Variants in TTBK1 observed in about 807,000 individuals in gnomAD.
The protein encoded by TTBK1 is tau-tubulin kinase 1.
TTBK1 carries 34 observed loss-of-function variants against 108.5 expected under a neutral mutation model. That is an observed-to-expected ratio of 0.31 (90% CI 0.24 to 0.42). The LOEUF (loss-of-function observed/expected upper bound fraction) is 0.42, where lower values mean the gene tolerates loss of function less well. TTBK1 is among the 10% of genes least tolerant of loss of function. The probability of loss-of-function intolerance (pLI) is 1.00; values close to 1 mark genes in which losing one functional copy is unlikely to be tolerated. For missense variants in TTBK1, 1,539 were observed against 1,826.0 expected, an observed-to-expected ratio of 0.84 and a Z score of 2.86; for synonymous variants, 809 against 795.1, an observed-to-expected ratio of 1.02 and a Z score of -0.29.
rs1165401256 is a variant in TTBK1, at chr6:43,257,302, A to G, written c.862-510A>G. ...AGGCTGGGGCCCTGTGCTGGCTGCT[A>G]GGGATGCAGAGTTGACAGATAGGCA... On this transcript the variant is annotated intron_variant, in intron 9 of 14. Coordinates refer to ENST00000259750, the MANE Select transcript of TTBK1 (RefSeq NM_032538.3). The surrounding 1 kb of genome is among the most constrained non-coding windows in gnomAD (Gnocchi z 4.5). Among the ~76,000 whole-genome samples, 1 of 152,220 alleles carries G rather than the reference A, an allele frequency of 6.6e-6. No individual in the cohort carries two copies. Among genetic ancestry groups the G allele is most frequent in the Non-Finnish European group, 1.5e-5 (1 of 68,034 alleles).
chr6:43,270,968 G>A (rs1777819670), intron 13 of TTBK1: 1 of 985,370 alleles, frequency 1.0e-6, no homozygotes, highest in Admixed American at 6.1e-5. Context: ...CACAGCAGAA[G>A]AGAGGCAGGT....
In TTBK1 at chr6:43,285,361, G is replaced by A. The variant is rs925466806; in HGVS notation, c.3951G>A (p.Arg1317=). ...TKGRAGGAEG[R]AGAR is the part of the protein sequence containing the mutation. ...GCCGGGCAGGAGGCGCGGAGGGCCGGGCTGGGGCCAGATAATGACGCCCGC... is the reference window on the plus strand; with the variant it reads ...GCCGGGCAGGAGGCGCGGAGGGCCGAGCTGGGGCCAGATAATGACGCCCGC... Residue 1317 remains arginine, a synonymous_variant, in exon 15 of 15, where the codon CGG becomes CGA. Transcript: ENST00000259750. The surrounding 1 kb of genome is among the most constrained non-coding windows in gnomAD (Gnocchi z 4.7). 3.1e-6 allele frequency: 4 copies of A among 1,281,034 alleles called. No individual in the cohort carries two copies. The African/African-American group carries it at 6.2e-5, about 20-fold the overall frequency. 79.4% of individuals were successfully genotyped at this position (1,281,034 alleles called of 1,614,324 possible).
At chr6:43,264,031 T>A (rs1159181069) in intron 13 of TTBK1, among the ~76,000 whole-genome samples, 2 of 151,972 alleles carry the variant, frequency 1.3e-5, no homozygotes, top group South Asian at 2.1e-4. Flanking sequence ...GGCCAGGGCG[T>A]CTCGTGTCTC....
chr6:43,259,583 C>A lies in TTBK1; in HGVS notation c.1301C>A (p.Pro434Gln), dbSNP rs147618529. The A allele has an allele frequency of 1.2e-6, 2 of 1,609,964 alleles. No homozygotes were observed. Among genetic ancestry groups the A allele is most frequent in the African/African-American group, 2.7e-5 (2 of 74,988 alleles). Reference protein sequence around the residue: ...QSRGMGVPSSPVRAPPDSPTT... With the variant: ...QSRGMGVPSSQVRAPPDSPTT... ...CGAGGCATGGGGGTCCCCAGCTCCC[C>A]AGTGCGTGCCCCCCCAGACTCCCCC... The change falls in exon 12 of 15, where the codon CCA (proline) becomes CAA (glutamine). Residue 434 changes from proline (P) to glutamine (Q), a missense_variant. Transcript: ENST00000259750. The surrounding 1 kb of genome is among the most constrained non-coding windows in gnomAD (Gnocchi z 6.7).
chr6:43,280,865 T>G (rs575366503), intron 13 of TTBK1, among the ~76,000 whole-genome samples: 1 of 147,726 alleles, frequency 6.8e-6, no homozygotes, highest in African/African-American at 2.4e-5. Context: ...AGTTATCATG[T>G]GCAGAGAGGA....
At position 43,259,086 on chromosome 6, in the gene TTBK1, C is replaced by T. The variant is rs145660116; in HGVS notation, c.1065C>T (p.Thr355=). ...CTGGGGACCTGCTCCGGGAGAACAC[C>T]GAGGATGTGCTACAGGGAGAGCACC... ...PVPGDLLREN[T]EDVLQGEHLS... is the part of the protein sequence containing the mutation. The change falls in exon 11 of 15, where the codon ACC becomes ACT. Residue 355 remains threonine (T), a synonymous_variant. Coordinates refer to ENST00000259750, the MANE Select transcript of TTBK1 (RefSeq NM_032538.3). This position sits in a 1 kb window ranked among gnomAD's most constrained non-coding sequence, Gnocchi z 6.7. The T allele has an allele frequency of 1.5e-5, 25 of 1,613,870 alleles. No individual in the cohort carries two copies. The highest frequency in any genetic ancestry group is 1.7e-5 in the Admixed American group (1 of 59,978).
Position 43,264,794 on chromosome 6 carries a change from G to A in TTBK1, c.1986+1444G>A, listed in dbSNP as rs115393293. Among the ~76,000 whole-genome samples, 1,413 of 152,250 alleles carry A rather than the reference G, an allele frequency of 9.3e-3. 8 individuals carry two copies. Among genetic ancestry groups the A allele is most frequent in the Non-Finnish European group, 0.014 (971 of 68,000 alleles). On this transcript the variant is annotated intron_variant, in intron 13 of 14. Transcript: ENST00000259750. Reference sequence around the variant, plus strand: ...AGCTCTGAGAGCCAGGTGGATGGCCGTGGGGAGGAGTGGAGCCAAGGCGAG... The same window carrying A: ...AGCTCTGAGAGCCAGGTGGATGGCCATGGGGAGGAGTGGAGCCAAGGCGAG...
intron 10 of TTBK1, 152 bp downstream of exon 10, chr6:43,258,118 C>G: frequency 1.1e-6 from 1 of 876,004 alleles, no homozygotes; most frequent in Non-Finnish European, 1.7e-6. Context: ...AACTCTGCCA[C>G]ATCTCCACCC....
At chr6:43,247,724 T>A (rs1777132112) in intron 2 of TTBK1, among the ~76,000 whole-genome samples, 1 of 151,362 alleles carries the variant, frequency 6.6e-6, no homozygotes, top group Non-Finnish European at 1.5e-5. Flanking sequence ...GAGTGCGGGG[T>A]TGGAGAGGAG....
rs1014974636 is a variant in TTBK1, at chr6:43,285,367, G to A, written c.3957G>A (p.Gly1319=). The A allele has an allele frequency of 9.4e-6, 12 of 1,278,796 alleles. No homozygotes were observed. Among genetic ancestry groups the A allele is most frequent in the Non-Finnish European group, 1.1e-5 (11 of 1,017,690 alleles). 79.2% of individuals were successfully genotyped at this position (1,278,796 alleles called of 1,614,324 possible). ...GRAGGAEGRA[G]AR ...CAGGAGGCGCGGAGGGCCGGGCTGG[G>A]GCCAGATAATGACGCCCGCTGCTCT... The change falls in exon 15 of 15, where the codon GGG becomes GGA. Residue 1319 remains glycine (G), a synonymous_variant. Transcript: ENST00000259750. This position sits in a 1 kb window ranked among gnomAD's most constrained non-coding sequence, Gnocchi z 4.7.
rs1287524080 is a variant in TTBK1 at position 43,283,392 on chromosome 6, A to C, written c.2652A>C (p.Pro884=). The stretch of plus-strand genomic sequence containing the variant: ...GCAGCCAGCTGGACGTATCTGAGCC[A>C]GGCACCCTGTCCTCTGTCCTCAAGT... ...PTGSQLDVSE[P]GTLSSVLKSE... The change falls in exon 14 of 15, where the codon CCA becomes CCC. Residue 884 remains proline, a synonymous_variant. Transcript: ENST00000259750. The surrounding 1 kb of genome is among the most constrained non-coding windows in gnomAD (Gnocchi z 8.1). 1 of 1,610,192 alleles carries C rather than the reference A, an allele frequency of 6.2e-7. No individual in the cohort carries two copies. The highest frequency in any genetic ancestry group is 1.1e-5 in the South Asian group (1 of 90,534).
At position 43,253,506 on chromosome 6, in the gene TTBK1, A is replaced by C; in HGVS notation, c.331-62A>C. Reference sequence around the variant, plus strand: ...GGGGTGAGGCTGGGAAGAGTATCACAATGATGGTGTCTGGGATGATGGCTG... The same window carrying C: ...GGGGTGAGGCTGGGAAGAGTATCACCATGATGGTGTCTGGGATGATGGCTG... On this transcript the variant is annotated intron_variant, in intron 4 of 14. Coordinates refer to ENST00000259750, the MANE Select transcript of TTBK1 (RefSeq NM_032538.3). This position sits in a 1 kb window ranked among gnomAD's most constrained non-coding sequence, Gnocchi z 5.8. 6.3e-7 allele frequency: 1 copy of C among 1,587,770 alleles called. No homozygotes were observed. The highest frequency in any genetic ancestry group is 8.6e-7 in the Non-Finnish European group (1 of 1,166,786).
Position 43,269,543 on chromosome 6 carries a change from C to CCACT in TTBK1, c.1986+6193_1986+6194insCACT. On this transcript the variant is annotated intron_variant, in intron 13 of 14. Transcript: ENST00000259750. The surrounding 1 kb of genome is among the most constrained non-coding windows in gnomAD (Gnocchi z 4.8). ...GACCCCGCCCACTTGCCCGGGACGCCGGCGCCGCAGGGGCTGTGAGCGGTG... is the reference window on the plus strand; with the variant it reads ...GACCCCGCCCACTTGCCCGGGACGCCCACTGGCGCCGCAGGGGCTGTGAGCGGTG... 1 of 1,345,742 alleles carries CCACT rather than the reference C, an allele frequency of 7.4e-7. No homozygotes were observed. The highest frequency in any genetic ancestry group is 2.3e-4 in the Middle Eastern group (1 of 4,394). The allele number at this position is 1,345,742 out of a possible 1,614,324, so 83.4% of individuals were successfully genotyped here. A position where few individuals can be genotyped will look rare whatever the true frequency, so the allele number is the denominator to read the frequency against.
In TTBK1 at chr6:43,285,695, C is replaced by CT. The variant is rs1778360677; in HGVS notation, c.*323dup. On this transcript the variant is annotated 3_prime_UTR_variant, in exon 15 of 15. Coordinates refer to ENST00000259750, the MANE Select transcript of TTBK1 (RefSeq NM_032538.3). This position sits in a 1 kb window ranked among gnomAD's most constrained non-coding sequence, Gnocchi z 4.7. ...CTCCGCCCCGGGGAAGGCTCAGCCA[C>CT]TTTTCATCGAGGACTCCACTTCTGG... The CT allele has an allele frequency of 4.5e-6, 1 of 222,662 alleles. No individual in the cohort carries two copies. The highest frequency in any genetic ancestry group is 1.8e-4 in the South Asian group (1 of 5,508). The allele number at this position is 222,662 out of a possible 1,614,324, so 13.8% of individuals were successfully genotyped here. A position where few individuals can be genotyped will look rare whatever the true frequency, so the allele number is the denominator to read the frequency against.
At chr6:43,264,792 C>T (rs369815345) in intron 13 of TTBK1, among the ~76,000 whole-genome samples, 12 of 151,958 alleles carry the variant, frequency 7.9e-5, no homozygotes, top group African/African-American at 2.9e-4. Context: ...AGGTGGATGG[C>T]CGTGGGGAGG....
At position 43,253,914 on chromosome 6, in the gene TTBK1, C is replaced by T. The variant is rs1413182961; in HGVS notation, c.471+206C>T. Among the ~76,000 whole-genome samples, 7 of 152,196 alleles carry T rather than the reference C, an allele frequency of 4.6e-5. No individual in the cohort carries two copies. Among genetic ancestry groups the T allele is most frequent in the African/African-American group, 1.4e-4 (6 of 41,446 alleles). On this transcript the variant is annotated intron_variant, in intron 5 of 14. Coordinates refer to ENST00000259750, the MANE Select transcript of TTBK1 (RefSeq NM_032538.3). The surrounding 1 kb of genome is among the most constrained non-coding windows in gnomAD (Gnocchi z 5.8). ...CCAGGAGCATGCACCCCTGCCTGCC[C>T]CTCGGCCATGGCCAGGCCTCTCCTC...
chr6:43,247,377 C>T (rs878886278), intron 2 of TTBK1, among the ~76,000 whole-genome samples: 1 of 152,076 alleles, frequency 6.6e-6, no homozygotes, highest in Non-Finnish European at 1.5e-5. Flanking sequence ...CCTCGGGAGC[C>T]GGGCCTGCCT....
intron 7 of TTBK1, among the ~76,000 whole-genome samples, chr6:43,255,317 T>G (rs1313307495): frequency 6.6e-6 from 1 of 152,108 alleles, no homozygotes; most frequent in Non-Finnish European, 1.5e-5. Context: ...CCATCCTCTC[T>G]GTTCTCACTA....
At position 43,265,438 on chromosome 6, in the gene TTBK1, G is replaced by T. The variant is rs1328867216; in HGVS notation, c.1986+2088G>T. On this transcript the variant is annotated intron_variant, in intron 13 of 14. Transcript: ENST00000259750. The surrounding 1 kb of genome is among the most constrained non-coding windows in gnomAD (Gnocchi z 4.1). ...GCCTTGCCTGGACACTGGAAACTGGGGGCTCAAAAAGTGGGGCCCGTGAGT... is the reference window on the plus strand; with the variant it reads ...GCCTTGCCTGGACACTGGAAACTGGTGGCTCAAAAAGTGGGGCCCGTGAGT... 6.6e-6 allele frequency among the ~76,000 whole-genome samples: 1 copy of T among 152,196 alleles called. No homozygotes were observed. Among genetic ancestry groups the T allele is most frequent in the Non-Finnish European group, 1.5e-5 (1 of 68,040 alleles).
Sources: gnomAD v4.1 joint callset for allele counts (sites outside exome capture counted in the v4.1 genomes callset) on GRCh38, gnomAD v4.1.1 for gene constraint, Gnocchi (gnomAD v3.1) non-coding constraint, MANE v1.5 for transcripts, NCBI Gene and HGNC (gene_info 2026-07-23, HGNC 2026-07-21) for gene names.